Variants in MAF observed in about 807,000 individuals in gnomAD.
MAF encodes the protein transcription factor Maf.
In MAF, 10 loss-of-function variants were observed where a neutral mutation model predicts 22.0. The observed-to-expected ratio is 0.45, with a 90% CI of 0.28 to 0.77. The LOEUF (loss-of-function observed/expected upper bound fraction) is 0.77, where lower values mean the gene tolerates loss of function less well. Ranked by LOEUF, MAF falls within the 30% of genes least tolerant of loss-of-function variation. The pLI is 0.12. For synonymous variants in MAF, 337 were observed against 255.8 expected (o/e 1.32, Z -3.03); for missense variants, 544 against 548.4 (o/e 0.99, Z 0.08).
chr16:79,399,568 T>G, the MAF span, among the ~76,000 whole-genome samples: 1 of 152,180 alleles, frequency 6.6e-6, no homozygotes, highest in African/African-American at 2.4e-5. Context: ...ATTTTTCAAC[T>G]AATTTTAAAA....
the MAF span, among the ~76,000 whole-genome samples, chr16:79,518,750 C>A: frequency 6.6e-6 from 1 of 152,144 alleles, no homozygotes; most frequent in Non-Finnish European, 1.5e-5. Flanking sequence ...CATGGAGAAA[C>A]CCCATCTCTA....
chr16:79,552,763 GA>G, the MAF span, among the ~76,000 whole-genome samples: 1 of 152,134 alleles, frequency 6.6e-6, no homozygotes, highest in Non-Finnish European at 1.5e-5. Flanking sequence ...TAATTTCTGG[GA>G]GGGGCATTTT....
the MAF span, among the ~76,000 whole-genome samples, chr16:79,309,514 G>C: frequency 1.8e-4 from 28 of 152,068 alleles, no homozygotes; most frequent in Non-Finnish European, 4.4e-5. Context: ...CCTAGATTTT[G>C]GTGCATTGCC....
the MAF span, among the ~76,000 whole-genome samples, chr16:79,360,706 T>G: frequency 6.6e-6 from 1 of 152,188 alleles, no homozygotes; most frequent in Non-Finnish European, 1.5e-5. Flanking sequence ...CTTTTCTGCT[T>G]GCTCTGCAAG....
chr16:79,321,341 T>C, the MAF span, among the ~76,000 whole-genome samples: 1 of 152,226 alleles, frequency 6.6e-6, no homozygotes, highest in East Asian at 1.9e-4. Flanking sequence ...AAATACAAGA[T>C]GCCCAGTTAA....
chr16:79,544,799 G>T, the MAF span, among the ~76,000 whole-genome samples: 11 of 150,568 alleles, frequency 7.3e-5, no homozygotes, highest in African/African-American at 2.7e-4. Context: ...AATGTCAGTA[G>T]CAACAGACAA....
At chr16:79,508,042 G>T in the MAF span, among the ~76,000 whole-genome samples, 1 of 152,124 alleles carries the variant, frequency 6.6e-6, no homozygotes, top group Non-Finnish European at 1.5e-5. Context: ...TGGACGTGAG[G>T]ACTAGATTTG....
the MAF span, among the ~76,000 whole-genome samples, chr16:79,464,871 G>T: frequency 6.6e-6 from 1 of 152,220 alleles, no homozygotes; most frequent in Non-Finnish European, 1.5e-5. Flanking sequence ...ACCATGGCTT[G>T]TGTAAGATTA....
the MAF span, among the ~76,000 whole-genome samples, chr16:79,389,541 C>A: frequency 6.6e-6 from 1 of 152,146 alleles, no homozygotes; most frequent in East Asian, 1.9e-4. Context: ...GGATTACAGG[C>A]CTGAGCCACC....
chr16:79,223,326 C>G, the MAF span, among the ~76,000 whole-genome samples: 1 of 152,110 alleles, frequency 6.6e-6, no homozygotes, highest in East Asian at 1.9e-4. Flanking sequence ...AGAACAAAGA[C>G]ACAATGTAGC....
the MAF span, among the ~76,000 whole-genome samples, chr16:79,353,421 G>C: frequency 6.6e-6 from 1 of 152,114 alleles, no homozygotes; most frequent in African/African-American, 2.4e-5. Context: ...GAGCCACCGT[G>C]CCTGGCCTCA....
chr16:79,246,512 G>C, the MAF span, among the ~76,000 whole-genome samples: 1 of 122,096 alleles, frequency 8.2e-6, no homozygotes, highest in Non-Finnish European at 1.6e-5. Flanking sequence ...CCTTTGATAT[G>C]TTTGGTTTGG....
chr16:79,216,166 C>T, the MAF span, among the ~76,000 whole-genome samples: 1 of 141,538 alleles, frequency 7.1e-6, no homozygotes, highest in East Asian at 1.9e-4. Context: ...ATATGTATGT[C>T]GTGCACGTGT....
At chr16:79,356,182 GCACA>G in the MAF span, among the ~76,000 whole-genome samples, 16 of 150,416 alleles carry the variant, frequency 1.1e-4, 1 homozygote, top group East Asian at 1.8e-3. Flanking sequence ...TCATACATGT[GCACA>G]CACACACACA....
the MAF span, among the ~76,000 whole-genome samples, chr16:79,282,225 G>C: frequency 1.3e-5 from 2 of 152,166 alleles, no homozygotes; most frequent in African/African-American, 4.8e-5. Context: ...GACACCCGTG[G>C]TTTCAAAGTG....
chr16:79,586,142 T>C (rs1279565397), intron 1 of MAF, among the ~76,000 whole-genome samples: 1 of 152,152 alleles, frequency 6.6e-6, no homozygotes, highest in African/African-American at 2.4e-5. Context: ...TGGAAGGGAA[T>C]GGCCTGCGTT....
At chr16:79,365,024 A>AAAGTGGGAAGTCCCT in the MAF span, among the ~76,000 whole-genome samples, 2 of 152,212 alleles carry the variant, frequency 1.3e-5, no homozygotes, top group African/African-American at 4.8e-5. Context: ...GTAATTGGTT[A>AAAGTGGGAAGTCCCT]AAGTGGGAAG....
At chr16:79,322,874 G>T in the MAF span, among the ~76,000 whole-genome samples, 4 of 151,966 alleles carry the variant, frequency 2.6e-5, no homozygotes, top group South Asian at 8.3e-4. Context: ...ATTGGGGCCG[G>T]GTGCAGTGGC....
the MAF span, among the ~76,000 whole-genome samples, chr16:79,557,504 G>C: frequency 5.9e-5 from 9 of 152,036 alleles, no homozygotes; most frequent in Non-Finnish European, 1.3e-4. Context: ...GTGGGCATTT[G>C]TTCTAGTCTA....
Sources: gnomAD v4.1 joint callset for allele counts (sites outside exome capture counted in the v4.1 genomes callset) on GRCh38, gnomAD v4.1.1 for gene constraint, MANE v1.5 for transcripts, NCBI Gene and HGNC (gene_info 2026-07-23, HGNC 2026-07-21) for gene names.